The following DNAH9 variants were observed in gnomAD, a reference collection of about 807,000 sequenced individuals.
DNAH9 encodes the protein dynein axonemal heavy chain 9.
A neutral mutation model predicts 471.6 loss-of-function variants in DNAH9; 345 were observed. The ratio of observed to expected loss-of-function variants is 0.73; its 90% CI spans 0.67 to 0.80. The LOEUF is 0.80. Among genes scored for constraint, DNAH9 ranks in the 30% least tolerant of loss-of-function variants. The probability of loss-of-function intolerance (pLI) is 0.00; values close to 1 mark genes in which losing one functional copy is unlikely to be tolerated. For missense variants in DNAH9, 5,407 were observed against 5,609.2 expected, an observed-to-expected ratio of 0.96 and a Z score of 1.15; for synonymous variants, 2,093 against 2,123.6, an observed-to-expected ratio of 0.99 and a Z score of 0.40.
chr17:11,622,367 T>C (rs1164774973), intron 6 of DNAH9, among the ~76,000 whole-genome samples: 2 of 152,192 alleles, frequency 1.3e-5, no homozygotes, highest in African/African-American at 4.8e-5. Flanking sequence ...TAAATGCCTC[T>C]TTTTCCCTCA....
At chr17:11,801,730 TGAGTATTCTCTCTTCTCCTG>T (rs1969470118) in intron 43 of DNAH9, among the ~76,000 whole-genome samples, 1 of 152,064 alleles carries the variant, frequency 6.6e-6, no homozygotes, top group South Asian at 2.1e-4. Context: ...GAAGCTCCAG[TGAGTATTCTCTCTTCTCCTG>T]AAGAGCCACC....
At chr17:11,833,581 A>C (rs938305145) in intron 48 of DNAH9, among the ~76,000 whole-genome samples, 2 of 152,144 alleles carry the variant, frequency 1.3e-5, no homozygotes, top group African/African-American at 4.8e-5. Context: ...AGCAGGGATA[A>C]AAATTAAGGA....
chr17:11,748,404 G>A (rs981837328), intron 32 of DNAH9, among the ~76,000 whole-genome samples: 1 of 152,152 alleles, frequency 6.6e-6, no homozygotes, highest in Non-Finnish European at 1.5e-5. Flanking sequence ...GTGGTGTAGA[G>A]TGTTAATGCT....
intron 68 of DNAH9, among the ~76,000 whole-genome samples, chr17:11,965,465 G>T (rs1976622920): frequency 6.6e-6 from 1 of 152,210 alleles, no homozygotes; most frequent in African/African-American, 2.4e-5. Flanking sequence ...GTTCAGAAAA[G>T]TCACTAAACA....
chr17:11,883,450 T>C, intron 55 of DNAH9, 136 bp from the exon 56 acceptor site: 2 of 1,211,308 alleles, frequency 1.7e-6, no homozygotes, highest in Non-Finnish European at 2.3e-6. Context: ...CTCCTGCTCA[T>C]GGTCTGAAGC....
chr17:11,930,097 C>G lies in DNAH9; in HGVS notation c.12105+4C>G. 1 of 1,612,034 alleles carries G rather than the reference C, an allele frequency of 6.2e-7. No homozygotes were observed. Among genetic ancestry groups the G allele is most frequent in the Non-Finnish European group, 8.5e-7 (1 of 1,178,766 alleles). ...GGCCCTGGACAACTTCACTCAGGTA[C>G]GGCCCCGGGAGGGAGGCAAAAACAG... On this transcript the variant is annotated splice_donor_region_variant and intron_variant, in intron 63 of 68. Coordinates refer to ENST00000262442, the MANE Select transcript of DNAH9 (RefSeq NM_001372.4).
intron 59 of DNAH9, among the ~76,000 whole-genome samples, chr17:11,897,367 C>T (rs1295979003): frequency 6.6e-6 from 1 of 152,110 alleles, no homozygotes; most frequent in African/African-American, 2.4e-5. Flanking sequence ...ATTAATAAAA[C>T]AAGTCCTATT....
intron 49 of DNAH9, among the ~76,000 whole-genome samples, chr17:11,841,460 G>A (rs1297958937): frequency 1.3e-5 from 2 of 152,274 alleles, no homozygotes; most frequent in East Asian, 1.9e-4. Context: ...CCATTCACAC[G>A]TGAGAGGAGG....
intron 26 of DNAH9, among the ~76,000 whole-genome samples, chr17:11,708,184 A>G (rs1192648441): frequency 2.0e-5 from 3 of 152,140 alleles, no homozygotes; most frequent in South Asian, 2.1e-4. Context: ...ACCTTTGTCT[A>G]TCGTGTTTGC....
Position 11,639,947 on chromosome 17 carries a change from G to C in DNAH9, c.1787-323G>C, listed in dbSNP as rs142971863. Among the ~76,000 whole-genome samples the C allele has an allele frequency of 6.9e-3, 1,048 of 152,288 alleles. 10 individuals carry two copies. The highest frequency in any genetic ancestry group is 0.023 in the African/African-American group (958 of 41,550). On this transcript the variant is annotated intron_variant, in intron 9 of 68. Transcript: ENST00000262442. Reference sequence around the variant, plus strand: ...GAACCTGGGAGGCAGAGGTTGTAGTGAGCCACGATTGCGCCACTGCACTCC... The same window carrying C: ...GAACCTGGGAGGCAGAGGTTGTAGTCAGCCACGATTGCGCCACTGCACTCC...
chr17:11,632,720 C>T lies in DNAH9; in HGVS notation c.1635+17C>T, dbSNP rs1180036603. The T allele has an allele frequency of 3.1e-6, 4 of 1,307,386 alleles. No homozygotes were observed. Among genetic ancestry groups the T allele is most frequent in the Non-Finnish European group, 3.3e-6 (3 of 900,814 alleles). The allele number at this position is 1,307,386 out of a possible 1,614,324, so 81.0% of individuals were successfully genotyped here. Reference sequence around the variant, plus strand: ...GCCTTTAAGGTTTGTGTAAATGGGGCAGGAGCCACTCGGTCCTGGATACTC... The same window carrying T: ...GCCTTTAAGGTTTGTGTAAATGGGGTAGGAGCCACTCGGTCCTGGATACTC... On this transcript the variant is annotated intron_variant, in intron 8 of 68. Coordinates refer to ENST00000262442, the MANE Select transcript of DNAH9 (RefSeq NM_001372.4).
rs968505641 is a variant in DNAH9, at chr17:11,932,331, G to A, written c.12297+126G>A. The A allele has an allele frequency of 2.2e-5, 21 of 970,918 alleles. No individual in the cohort carries two copies. The highest frequency in any genetic ancestry group is 3.3e-5 in the African/African-American group (2 of 60,730). 60.1% of individuals were successfully genotyped at this position (970,918 alleles called of 1,614,324 possible). A position where few individuals can be genotyped will look rare whatever the true frequency, so the allele number is the denominator to read the frequency against. ...ATGTGCATTTCTAACAAGCTCCCTCGTGATGCAGATGCTGCTGATTCGGGG... is the reference window on the plus strand; with the variant it reads ...ATGTGCATTTCTAACAAGCTCCCTCATGATGCAGATGCTGCTGATTCGGGG... On this transcript the variant is annotated intron_variant, in intron 64 of 68. Transcript: ENST00000262442. This position sits in a 1 kb window ranked among gnomAD's most constrained non-coding sequence, Gnocchi z 4.3.
At chr17:11,804,259 A>G (rs774333518) in intron 43 of DNAH9, among the ~76,000 whole-genome samples, 34 of 152,306 alleles carry the variant, frequency 2.2e-4, no homozygotes, top group South Asian at 8.3e-4. Flanking sequence ...TCAATAAATA[A>G]CTCCTGAATA....
At chr17:11,634,863 G>A (rs572770551) in intron 8 of DNAH9, among the ~76,000 whole-genome samples, 70 of 152,286 alleles carry the variant, frequency 4.6e-4, no homozygotes, top group Non-Finnish European at 9.1e-4. Flanking sequence ...AAGATTGTGA[G>A]CTGATGCCAA....
At chr17:11,832,231 A>G (rs568692976) in intron 48 of DNAH9, among the ~76,000 whole-genome samples, 107 of 152,134 alleles carry the variant, frequency 7.0e-4, no homozygotes, top group Non-Finnish European at 8.2e-4. Context: ...CTGTCACTCC[A>G]TGTCATGGTT....
At chr17:11,693,376 G>C (rs1293601804) in intron 20 of DNAH9, among the ~76,000 whole-genome samples, 1 of 150,038 alleles carries the variant, frequency 6.7e-6, no homozygotes, top group Admixed American at 6.7e-5. Context: ...TCAGCCTCCC[G>C]AGTAGTAGCT....
At chr17:11,705,395 G>A (rs988617549) in intron 26 of DNAH9, 13 of 518,210 alleles carry the variant, frequency 2.5e-5, no homozygotes, top group Middle Eastern at 5.1e-4. Context: ...TCAATGAGCC[G>A]TGACTTTTTG....
At chr17:11,915,547 A>G (rs559033065) in intron 61 of DNAH9, among the ~76,000 whole-genome samples, 5 of 152,088 alleles carry the variant, frequency 3.3e-5, no homozygotes, top group Non-Finnish European at 7.4e-5. Context: ...AAACACACAC[A>G]AACAAACAAA....
At chr17:11,915,938 A>T (rs780008061) in intron 61 of DNAH9, among the ~76,000 whole-genome samples, 2 of 152,080 alleles carry the variant, frequency 1.3e-5, no homozygotes, top group African/African-American at 2.4e-5. Context: ...CATCTTGTTC[A>T]TTTTTTTACC....
Sources: allele counts gnomAD v4.1 joint callset (sites outside exome capture counted in the v4.1 genomes callset), GRCh38; gene constraint gnomAD v4.1.1; non-coding constraint Gnocchi (gnomAD v3.1); transcripts MANE v1.5; gene names NCBI Gene and HGNC (gene_info 2026-07-23, HGNC 2026-07-21).